C12orf56: variants seen among roughly 807,000 people sequenced by gnomAD.
C12orf56 encodes the protein chromosome 12 open reading frame 56.
A neutral mutation model predicts 69.9 loss-of-function variants in C12orf56; 71 were observed. The observed-to-expected ratio is 1.02, with a 90% CI of 0.84 to 1.24. C12orf56 has a LOEUF of 1.24. Ranked by LOEUF, C12orf56 falls within the 50% of genes most tolerant of loss-of-function variation. C12orf56 has a pLI of 0.00. For missense variants in C12orf56, 732 were observed against 738.5 expected (o/e 0.99, Z 0.10); for synonymous variants, 276 against 274.1 (o/e 1.01, Z -0.07).
At position 64,313,273 on chromosome 12, in the gene C12orf56, AAAAAG is replaced by A. The variant is rs1279543084; in HGVS notation, c.895-526_895-522del. Among the ~76,000 whole-genome samples, 48 of 136,836 alleles carry A rather than the reference AAAAAG, an allele frequency of 3.5e-4. No homozygotes were observed. The Middle Eastern group carries it at 0.011, about 32-fold the overall frequency. The allele number at this position is 136,836 out of a possible 152,430, so 89.8% of individuals were successfully genotyped here. ...CGAGACTCTGTCTCAAAAAAAAAAAAAAAAGAAAGAAAGAAAGAAAGAAAGAAATT... is the reference window on the plus strand; with the variant it reads ...CGAGACTCTGTCTCAAAAAAAAAAAAAAAGAAAGAAAGAAAGAAAGAAATT... On this transcript the variant is annotated intron_variant, in intron 4 of 12. Transcript: ENST00000543942.
At chr12:64,295,780 AAGGG>A (rs1481075331) in intron 6 of C12orf56, among the ~76,000 whole-genome samples, 1 of 151,316 alleles carries the variant, frequency 6.6e-6, no homozygotes, top group African/African-American at 2.4e-5. Flanking sequence ...TTCATTTTAA[AAGGG>A]AGGGAGAAAA....
At chr12:64,282,934 G>A (rs556409875) in intron 8 of C12orf56, among the ~76,000 whole-genome samples, 3 of 151,948 alleles carry the variant, frequency 2.0e-5, no homozygotes, top group Admixed American at 6.6e-5. Flanking sequence ...ACCTGAGGTC[G>A]GGGTTTGAGA....
rs1302329734 is a variant in C12orf56, at chr12:64,271,803, G to GT, written c.1585-1090dup. ...GTTAATTAGCCTATTTAGAAATTAA[G>GT]TTTTTAACTTTTCTAGCACCTTTCT... On this transcript the variant is annotated intron_variant, in intron 11 of 12. Transcript: ENST00000543942. Among the ~76,000 whole-genome samples, 65 of 152,326 alleles carry GT rather than the reference G, an allele frequency of 4.3e-4. 1 individual carries two copies. The highest frequency in any genetic ancestry group is 1.5e-3 in the African/African-American group (64 of 41,578).
intron 6 of C12orf56, among the ~76,000 whole-genome samples, chr12:64,286,934 A>C (rs2335358): frequency 0.95 from 144,106 of 152,146 alleles, 68,719 homozygotes; most frequent in East Asian, 1. Context: ...AGTGCTTGGG[A>C]TTTGAAAGAA....
At chr12:64,286,917 T>G (rs963985992) in intron 6 of C12orf56, among the ~76,000 whole-genome samples, 1 of 152,086 alleles carries the variant, frequency 6.6e-6, no homozygotes, top group Non-Finnish European at 1.5e-5. Flanking sequence ...TACCGGATAC[T>G]CTCAGAAGTG....
intron 2 of C12orf56, among the ~76,000 whole-genome samples, chr12:64,352,159 G>C (rs952845852): frequency 6.6e-6 from 1 of 151,166 alleles, no homozygotes; most frequent in African/African-American, 2.4e-5. Flanking sequence ...CCTCTCCCTG[G>C]GCAAACAAGT....
At chr12:64,380,052 C>T (rs2039692402) in intron 1 of C12orf56, among the ~76,000 whole-genome samples, 1 of 127,636 alleles carries the variant, frequency 7.8e-6, no homozygotes, top group African/African-American at 2.9e-5. Flanking sequence ...TTGCAGTGAG[C>T]CGAGATCGTG....
In C12orf56 at chr12:64,318,771, TGA is replaced by T; in HGVS notation, c.696_697del (p.Asp232GlufsTer6). The stretch of plus-strand genomic sequence containing the variant: ...GAAAGGAATTTCACTTATGGAGTTG[TGA>T]TCTGGAAGTCCCTGGGGTTCTTTTG... On this transcript the variant is annotated frameshift_variant, in exon 4 of 13. Coordinates refer to ENST00000543942, the MANE Select transcript of C12orf56 (RefSeq NM_001170633.2). LOFTEE classifies it high-confidence loss of function. 2 of 1,537,062 alleles carry T rather than the reference TGA, an allele frequency of 1.3e-6. No homozygotes were observed. Among genetic ancestry groups the T allele is most frequent in the Non-Finnish European group, 1.7e-6 (2 of 1,146,858 alleles).
At chr12:64,345,276 T>C (rs1365354913) in intron 2 of C12orf56, among the ~76,000 whole-genome samples, 1 of 112,806 alleles carries the variant, frequency 8.9e-6, no homozygotes, top group African/African-American at 3.2e-5. Flanking sequence ...AGGCCATCAC[T>C]GTTGCCTCAG....
intron 1 of C12orf56, among the ~76,000 whole-genome samples, chr12:64,356,407 C>T (rs571663339): frequency 4.5e-4 from 68 of 152,182 alleles, no homozygotes; most frequent in African/African-American, 1.3e-3. Flanking sequence ...GGGTGCAACT[C>T]GTGGATGGAG....
intron 5 of C12orf56, among the ~76,000 whole-genome samples, chr12:64,306,023 T>G (rs979578228): frequency 6.6e-6 from 1 of 152,240 alleles, no homozygotes; most frequent in South Asian, 2.1e-4. Context: ...TTTTTAATCC[T>G]TTGCCAACTA....
intron 2 of C12orf56, among the ~76,000 whole-genome samples, chr12:64,341,994 T>C (rs1298173480): frequency 6.6e-6 from 1 of 152,144 alleles, no homozygotes. Flanking sequence ...AGAGGCTTAG[T>C]GGTGTCCACA....
intron 4 of C12orf56, among the ~76,000 whole-genome samples, chr12:64,317,479 G>A (rs1272031313): frequency 1.3e-5 from 2 of 151,990 alleles, no homozygotes; most frequent in Admixed American, 6.6e-5. Context: ...TTTGTGTTTC[G>A]GCCAGGCGTG....
At chr12:64,274,628 C>T (rs1464721569) in intron 11 of C12orf56, among the ~76,000 whole-genome samples, 1 of 152,116 alleles carries the variant, frequency 6.6e-6, no homozygotes, top group African/African-American at 2.4e-5. Flanking sequence ...AATTATACAG[C>T]TAATAATTTA....
At chr12:64,366,223 TA>T in intron 1 of C12orf56, among the ~76,000 whole-genome samples, 1 of 75,742 alleles carries the variant, frequency 1.3e-5, no homozygotes, top group Non-Finnish European at 2.3e-5. Flanking sequence ...ACAGTTTATA[TA>T]TTATATATAA....
At chr12:64,268,589 G>A (rs540716534) in intron 12 of C12orf56, among the ~76,000 whole-genome samples, 1 of 152,222 alleles carries the variant, frequency 6.6e-6, no homozygotes, top group Non-Finnish European at 1.5e-5. Flanking sequence ...TGGATACTGA[G>A]TTTCTTTTGA....
chr12:64,355,077 C>CAAAA lies in C12orf56; in HGVS notation c.253-2025_253-2022dup, dbSNP rs59799966. 8.9e-4 allele frequency among the ~76,000 whole-genome samples: 78 copies of CAAAA among 87,548 alleles called. 1 individual carries two copies. The highest frequency in any genetic ancestry group is 3.1e-3 in the African/African-American group (66 of 21,050). 57.4% of individuals were successfully genotyped at this position (87,548 alleles called of 152,430 possible). A position where few individuals can be genotyped will look rare whatever the true frequency, so the allele number is the denominator to read the frequency against. On this transcript the variant is annotated intron_variant, in intron 1 of 12. Transcript: ENST00000543942. Reference sequence around the variant, plus strand: ...TGGGGAACAAAGTGAGACTCCGTCTCAAAAAAAAAAAAAAAAAAAAAAAAA... The same window carrying CAAAA: ...TGGGGAACAAAGTGAGACTCCGTCTCAAAAAAAAAAAAAAAAAAAAAAAAAAAAA...
Position 64,352,896 on chromosome 12 carries a change from T to A in C12orf56, c.413A>T (p.Lys138Ile). 2 of 1,605,060 alleles carry A rather than the reference T, an allele frequency of 1.2e-6. No individual in the cohort carries two copies. Among genetic ancestry groups the A allele is most frequent in the Non-Finnish European group, 1.7e-6 (2 of 1,177,758 alleles). Residue 138 changes from lysine to isoleucine, a missense_variant and splice_region_variant, in exon 2 of 13, where the codon AAA (lysine) becomes ATA (isoleucine). Coordinates refer to ENST00000543942, the MANE Select transcript of C12orf56 (RefSeq NM_001170633.2). The stretch of plus-strand genomic sequence containing the variant: ...AGAGACAGATTGGAAGTACCTACCT[T>A]TCTTGTTGTTAGCTTTAGTATGATG... Reference protein sequence around the residue: ...PFHHTKANNKKVKEEKNGLAF... With the variant: ...PFHHTKANNKIVKEEKNGLAF...
At chr12:64,271,080 C>T (rs940659421) in intron 11 of C12orf56, among the ~76,000 whole-genome samples, 5 of 151,748 alleles carry the variant, frequency 3.3e-5, no homozygotes, top group East Asian at 3.9e-4. Context: ...GCAGGAAAGT[C>T]GCTTAATTCG....
Sources: gnomAD v4.1 joint callset for allele counts (sites outside exome capture counted in the v4.1 genomes callset) on GRCh38, gnomAD v4.1.1 for gene constraint, MANE v1.5 for transcripts, NCBI Gene and HGNC (gene_info 2026-07-23, HGNC 2026-07-21) for gene names.